TMEM163: variants seen among roughly 807,000 people sequenced by gnomAD.
TMEM163 encodes the protein transmembrane protein 163.
A neutral mutation model predicts 29.3 loss-of-function variants in TMEM163; 17 were observed. The observed-to-expected ratio is 0.58, with a 90% CI of 0.40 to 0.87. The LOEUF (loss-of-function observed/expected upper bound fraction) is 0.87. Ranked by LOEUF, TMEM163 falls within the 40% of genes least tolerant of loss-of-function variation. TMEM163 has a pLI of 0.00. For synonymous variants in TMEM163, 157 were observed against 160.6 expected (o/e 0.98, Z 0.17); for missense variants, 303 against 381.5 (o/e 0.79, Z 1.71).
rs1558908653 is a variant in TMEM163 at position 134,458,120 on chromosome 2, C to G, written c.721G>C (p.Glu241Gln). 1.2e-6 allele frequency: 2 copies of G among 1,614,076 alleles called. No individual in the cohort carries two copies. The highest frequency in any genetic ancestry group is 1.7e-6 in the Non-Finnish European group (2 of 1,180,050). ...VMGFSILLSAEVFKHDSAVWY... is the reference protein window; with the variant it reads ...VMGFSILLSAQVFKHDSAVWY... ...ACCGCCGAGTCATGCTTGAACACTT[C>G]CGCGCTCAGAAGAATGGAGAAGCCC... The change falls in exon 7 of 8, where the codon GAA becomes CAA. Residue 241 changes from glutamate (E) to glutamine (Q), a missense_variant. Transcript: ENST00000281924.
chr2:134,689,263 C>T (rs1272439666), intron 2 of TMEM163, among the ~76,000 whole-genome samples: 1 of 151,988 alleles, frequency 6.6e-6, no homozygotes, highest in African/African-American at 2.4e-5. Context: ...CATGCATCAC[C>T]ACGCCTGGCT....
intron 2 of TMEM163, among the ~76,000 whole-genome samples, chr2:134,564,298 T>A (rs893558372): frequency 3.9e-5 from 6 of 152,232 alleles, no homozygotes; most frequent in African/African-American, 1.4e-4. Flanking sequence ...GAAAGTTCTT[T>A]TCAATAAATG....
At chr2:134,549,315 T>A (rs56961558) in intron 4 of TMEM163, among the ~76,000 whole-genome samples, 4,085 of 152,284 alleles carry the variant, frequency 0.027, 108 homozygotes, top group African/African-American at 0.065. Flanking sequence ...ATTGCAACAC[T>A]TGTATGTTGG....
intron 2 of TMEM163, among the ~76,000 whole-genome samples, chr2:134,673,020 C>T (rs1228946011): frequency 6.6e-6 from 1 of 152,124 alleles, no homozygotes; most frequent in Non-Finnish European, 1.5e-5. Context: ...ATTTAAAGTC[C>T]TCCAAAGGCA....
intron 2 of TMEM163, among the ~76,000 whole-genome samples, chr2:134,575,033 G>A (rs1681518968): frequency 6.6e-6 from 1 of 151,290 alleles, no homozygotes; most frequent in African/African-American, 2.4e-5. Context: ...GCCCAGACAT[G>A]TGGGGCTCTG....
intron 4 of TMEM163, among the ~76,000 whole-genome samples, chr2:134,519,187 T>C (rs955473538): frequency 1.2e-4 from 19 of 152,226 alleles, no homozygotes; most frequent in Non-Finnish European, 2.8e-4. Flanking sequence ...AGGCTATCGC[T>C]AGACCAAGCC....
At chr2:134,492,309 G>A (rs1247581542) in intron 5 of TMEM163, among the ~76,000 whole-genome samples, 3 of 152,128 alleles carry the variant, frequency 2.0e-5, no homozygotes, top group African/African-American at 4.8e-5. Flanking sequence ...GCTTAGCAAC[G>A]GGAGATGGTT....
At position 134,456,519 on chromosome 2, in the gene TMEM163, G is replaced by A; in HGVS notation, c.*197C>T. 1.6e-6 allele frequency: 1 copy of A among 633,948 alleles called. No individual in the cohort carries two copies. The highest frequency in any genetic ancestry group is 2.5e-5 in the Admixed American group (1 of 40,726). 39.3% of individuals were successfully genotyped at this position (633,948 alleles called of 1,614,324 possible). A position where few individuals can be genotyped will look rare whatever the true frequency, so the allele number is the denominator to read the frequency against. ...AAGGAGGTCCATTCCTATGGGCATT[G>A]TCCCAACATGTTTGATGGGGGCGGC... is the stretch of plus-strand genomic sequence containing the variant. On this transcript the variant is annotated 3_prime_UTR_variant, in exon 8 of 8. Coordinates refer to ENST00000281924, the MANE Select transcript of TMEM163 (RefSeq NM_030923.5).
At chr2:134,467,942 A>C (rs543294844) in intron 5 of TMEM163, 6 of 152,276 alleles carry the variant, frequency 3.9e-5, no homozygotes, top group African/African-American at 1.4e-4. Flanking sequence ...TACCTCCTCA[A>C]ATGACCAGTA....
chr2:134,465,869 C>T (rs1686659491), intron 6 of TMEM163, among the ~76,000 whole-genome samples: 1 of 152,136 alleles, frequency 6.6e-6, no homozygotes, highest in Non-Finnish European at 1.5e-5. Context: ...CCCCAAGCCT[C>T]CCTGCTAGGA....
chr2:134,518,200 T>C (rs1039260235), intron 4 of TMEM163, among the ~76,000 whole-genome samples: 3 of 152,246 alleles, frequency 2.0e-5, no homozygotes, highest in Non-Finnish European at 4.4e-5. Flanking sequence ...CCTCACTATA[T>C]TGGGAAAAGC....
At chr2:134,457,135 T>G (rs1041616174) in intron 7 of TMEM163, among the ~76,000 whole-genome samples, 1 of 152,212 alleles carries the variant, frequency 6.6e-6, no homozygotes, top group Admixed American at 6.5e-5. Flanking sequence ...CATTCCTTTT[T>G]GGGGGCTGAA....
chr2:134,640,964 T>C (rs550705225), intron 2 of TMEM163, among the ~76,000 whole-genome samples: 21 of 152,300 alleles, frequency 1.4e-4, no homozygotes, highest in Non-Finnish European at 2.9e-4. Context: ...TCCATGTTTA[T>C]GACAAAGAGC....
At chr2:134,609,878 G>A (rs1407517754) in intron 2 of TMEM163, among the ~76,000 whole-genome samples, 3 of 151,644 alleles carry the variant, frequency 2.0e-5, no homozygotes, top group Non-Finnish European at 4.4e-5. Context: ...GAACTGTACT[G>A]GTGAAAAGGA....
intron 5 of TMEM163, among the ~76,000 whole-genome samples, chr2:134,481,323 C>G (rs1172595378): frequency 6.6e-6 from 1 of 151,084 alleles, no homozygotes; most frequent in Non-Finnish European, 1.5e-5. Flanking sequence ...TGAACTGTAA[C>G]TACCACAATT....
At chr2:134,615,383 G>A (rs1005545793) in intron 2 of TMEM163, among the ~76,000 whole-genome samples, 2 of 152,118 alleles carry the variant, frequency 1.3e-5, no homozygotes, top group South Asian at 2.1e-4. Context: ...AAATATCAGC[G>A]GTTTATAAGT....
intron 4 of TMEM163, among the ~76,000 whole-genome samples, chr2:134,525,430 T>TCCA (rs1258987809): frequency 6.6e-6 from 1 of 152,182 alleles, no homozygotes; most frequent in East Asian, 1.9e-4. Context: ...TGTTGTGTTC[T>TCCA]CCATCAGATG....
chr2:134,480,689 C>T (rs1056271372), intron 5 of TMEM163, among the ~76,000 whole-genome samples: 3 of 152,026 alleles, frequency 2.0e-5, no homozygotes, highest in Non-Finnish European at 2.9e-5. Flanking sequence ...GAACGGGAGC[C>T]GTGGGAGACA....
intron 4 of TMEM163, among the ~76,000 whole-genome samples, chr2:134,524,340 C>T (rs115172806): frequency 0.014 from 1,944 of 134,404 alleles, 124 homozygotes; most frequent in African/African-American, 0.047. Context: ...TTTTTAATAT[C>T]GATAACATTT....
Sources: gnomAD v4.1 joint callset for allele counts (sites outside exome capture counted in the v4.1 genomes callset) on GRCh38, gnomAD v4.1.1 for gene constraint, MANE v1.5 for transcripts, NCBI Gene and HGNC (gene_info 2026-07-23, HGNC 2026-07-21) for gene names.